The following ACSS3 variants were observed in gnomAD, a reference collection of about 807,000 sequenced individuals.
ACSS3 encodes acyl-CoA synthetase short chain family member 3, also known as acyl-CoA synthetase short-chain family member 3, mitochondrial.
A neutral mutation model predicts 84.2 loss-of-function variants in ACSS3; 64 were observed. The observed-to-expected ratio is 0.76, with a 90% confidence interval of 0.62 to 0.94. ACSS3 has a LOEUF of 0.94. Ranked by LOEUF, ACSS3 falls within the 40% of genes least tolerant of loss-of-function variation. The pLI, the probability that ACSS3 is intolerant of heterozygous loss-of-function variation, is 0.00. For synonymous variants in ACSS3, 317 were observed against 310.1 expected (o/e 1.02, Z -0.23); for missense variants, 815 against 867.6 (o/e 0.94, Z 0.76).
chr12:81,192,927 T>C (rs1593181046), intron 8 of ACSS3, among the ~76,000 whole-genome samples: 1 of 152,288 alleles, frequency 6.6e-6, no homozygotes. Context: ...TTCATTTTTA[T>C]ATTTTTTCCA....
intron 2 of ACSS3, among the ~76,000 whole-genome samples, chr12:81,128,641 C>CT: frequency 6.6e-6 from 1 of 152,270 alleles, no homozygotes; most frequent in South Asian, 2.1e-4. Flanking sequence ...ACATGGTTAA[C>CT]TTTTCTTCAG....
intron 7 of ACSS3, among the ~76,000 whole-genome samples, chr12:81,171,483 A>G (rs1197689631): frequency 6.6e-6 from 1 of 152,154 alleles, no homozygotes; most frequent in Non-Finnish European, 1.5e-5. Context: ...ACATTGAATT[A>G]TCTTCTGGGG....
At chr12:81,247,920 T>A (rs909399197) in intron 13 of ACSS3, among the ~76,000 whole-genome samples, 1 of 152,082 alleles carries the variant, frequency 6.6e-6, no homozygotes, top group Non-Finnish European at 1.5e-5. Flanking sequence ...GAAAGTTTTA[T>A]TTGTAGAAAA....
In ACSS3 at chr12:81,259,131, G is replaced by A. The variant is rs1259525051; in HGVS notation, c.*4209G>A. On this transcript the variant is annotated 3_prime_UTR_variant, in exon 16 of 16. Coordinates refer to ENST00000548058, the MANE Select transcript of ACSS3 (RefSeq NM_024560.4). ...GCTTTAAGTATTGACAGACTTGAAG[G>A]AGAAACACGTTGAAGCATGAAACAT... The A allele has an allele frequency of 5.2e-6, 1 of 190,862 alleles. No individual in the cohort carries two copies. The highest frequency in any genetic ancestry group is 6.1e-5 in the Admixed American group (1 of 16,392). The allele number at this position is 190,862 out of a possible 1,614,324, so 11.8% of individuals were successfully genotyped here.
intron 2 of ACSS3, among the ~76,000 whole-genome samples, chr12:81,111,787 G>C (rs1013117026): frequency 1.1e-4 from 17 of 152,202 alleles, no homozygotes; most frequent in Admixed American, 3.3e-4. Context: ...CAACCAGGCA[G>C]TGGGGAAGAA....
chr12:81,160,129 A>C (rs1156244461), intron 7 of ACSS3, among the ~76,000 whole-genome samples: 1 of 152,220 alleles, frequency 6.6e-6, no homozygotes, highest in Non-Finnish European at 1.5e-5. Context: ...GTTTCTCCTT[A>C]AATCCGGCTT....
intron 2 of ACSS3, among the ~76,000 whole-genome samples, chr12:81,132,501 T>C (rs901833583): frequency 2.0e-5 from 3 of 152,236 alleles, no homozygotes; most frequent in African/African-American, 7.2e-5. Context: ...TTATTGCGTC[T>C]ATTTGATTCT....
chr12:81,141,338 C>G (rs1886083882), intron 4 of ACSS3, among the ~76,000 whole-genome samples: 1 of 152,110 alleles, frequency 6.6e-6, no homozygotes, highest in African/African-American at 2.4e-5. Flanking sequence ...TAGAGAGACA[C>G]AAATTATGAG....
chr12:81,122,333 G>GA (rs1361360860), intron 2 of ACSS3, among the ~76,000 whole-genome samples: 1 of 151,924 alleles, frequency 6.6e-6, no homozygotes, highest in Admixed American at 6.6e-5. Context: ...TCTACTTGGA[G>GA]AAACACTACA....
At chr12:81,181,031 C>A (rs1440158992) in intron 8 of ACSS3, among the ~76,000 whole-genome samples, 5 of 152,058 alleles carry the variant, frequency 3.3e-5, no homozygotes, top group African/African-American at 1.2e-4. Context: ...GAGTATTTTA[C>A]TTTTATGTTT....
chr12:81,169,056 G>T (rs1319703431), intron 7 of ACSS3, among the ~76,000 whole-genome samples: 5 of 152,158 alleles, frequency 3.3e-5, no homozygotes, highest in Non-Finnish European at 5.9e-5. Context: ...CTGGAAGTGT[G>T]ACCAGACATT....
At chr12:81,178,722 A>T (rs2030683023) in intron 8 of ACSS3, among the ~76,000 whole-genome samples, 1 of 152,212 alleles carries the variant, frequency 6.6e-6, no homozygotes, top group Non-Finnish European at 1.5e-5. Context: ...CATACTGTCT[A>T]AAGCAATTTA....
At chr12:81,134,215 C>G (rs1302656831) in intron 2 of ACSS3, among the ~76,000 whole-genome samples, 1 of 152,116 alleles carries the variant, frequency 6.6e-6, no homozygotes, top group Non-Finnish European at 1.5e-5. Flanking sequence ...TGTCCTGTTA[C>G]AGCATTTGCT....
At position 81,078,141 on chromosome 12, in the gene ACSS3, G is replaced by C; in HGVS notation, c.21G>C (p.Gln7His). 1 of 1,496,300 alleles carries C rather than the reference G, an allele frequency of 6.7e-7. No homozygotes were observed. The highest frequency in any genetic ancestry group is 1.4e-5 in the African/African-American group (1 of 70,452). 92.7% of individuals were successfully genotyped at this position (1,496,300 alleles called of 1,614,324 possible). The change falls in exon 1 of 16, where the codon CAG becomes CAC. Residue 7 changes from glutamine (Q) to histidine (H), a missense_variant. Transcript: ENST00000548058. MKPSWLQCRKVTSAGGL... is the reference protein window; with the variant it reads MKPSWLHCRKVTSAGGL... ...AGGAGATGAAACCGTCTTGGCTGCA[G>C]TGTCGTAAAGTCACCAGCGCCGGGG...
At chr12:81,085,270 C>T (rs1881238727) in intron 1 of ACSS3, among the ~76,000 whole-genome samples, 1 of 152,182 alleles carries the variant, frequency 6.6e-6, no homozygotes, top group East Asian at 1.9e-4. Context: ...AAAGAGTACT[C>T]AGTAGATCTG....
intron 1 of ACSS3, among the ~76,000 whole-genome samples, chr12:81,084,035 C>T (rs1053377519): frequency 8.5e-5 from 13 of 152,118 alleles, no homozygotes; most frequent in African/African-American, 3.1e-4. Flanking sequence ...CAGCAACACT[C>T]GGCTGGAACT....
At chr12:81,132,382 T>C (rs1244708604) in intron 2 of ACSS3, among the ~76,000 whole-genome samples, 1 of 152,196 alleles carries the variant, frequency 6.6e-6, no homozygotes, top group East Asian at 1.9e-4. Flanking sequence ...CAGGAATTTA[T>C]CCATTTCTTC....
chr12:81,081,847 T>C (rs2121264168), intron 1 of ACSS3, among the ~76,000 whole-genome samples: 1 of 152,330 alleles, frequency 6.6e-6, no homozygotes, highest in Middle Eastern at 3.4e-3. Flanking sequence ...AACATTTCTG[T>C]AGTCAAGATA....
In ACSS3 at chr12:81,134,264, C is replaced by A. The variant is rs184282207; in HGVS notation, c.457-552C>A. 3.4e-3 allele frequency among the ~76,000 whole-genome samples: 516 copies of A among 152,194 alleles called. 1 individual carries two copies. The highest frequency in any genetic ancestry group is 5.9e-3 in the Non-Finnish European group (399 of 67,994). ...TGGTTAGCTGTTTATTAGCTCTGAA[C>A]CTTATTACCTTATCTTTAGATGTAA... On this transcript the variant is annotated intron_variant, in intron 2 of 15. Transcript: ENST00000548058.
Sources: gnomAD v4.1 joint callset for allele counts (sites outside exome capture counted in the v4.1 genomes callset) on GRCh38, gnomAD v4.1.1 for gene constraint, MANE v1.5 for transcripts, NCBI Gene and HGNC (gene_info 2026-07-23, HGNC 2026-07-21) for gene names.